Variants in RBFOX1 observed in about 807,000 individuals in gnomAD.
RBFOX1 encodes RNA binding fox-1 homolog 1.
In RBFOX1, 8 loss-of-function variants were observed where a neutral mutation model predicts 57.7. The observed-to-expected ratio is 0.14, with a 90% CI of 0.08 to 0.25. The LOEUF is 0.25. RBFOX1 is among the 10% of genes least tolerant of loss of function. The probability of loss-of-function intolerance (pLI) is 1.00; values close to 1 mark genes in which losing one functional copy is unlikely to be tolerated. For synonymous variants in RBFOX1, 326 were observed against 222.4 expected, an observed-to-expected ratio of 1.47 and a Z score of -4.15; for missense variants, 611 against 548.5, an observed-to-expected ratio of 1.11 and a Z score of -1.14.
chr16:6,642,002 C>G (rs2098495164), intron 2 of RBFOX1, among the ~76,000 whole-genome samples: 2 of 152,114 alleles, frequency 1.3e-5, no homozygotes, highest in Non-Finnish European at 2.9e-5. Flanking sequence ...CAGGGATTAT[C>G]CAGGAGGCTG....
chr16:5,792,923 A>G (rs972496040), intron 3 of RBFOX1, among the ~76,000 whole-genome samples: 1 of 152,146 alleles, frequency 6.6e-6, no homozygotes, highest in African/African-American at 2.4e-5. Context: ...CTTCATTCTC[A>G]TATTCTTTGT....
chr16:7,164,658 A>C (rs903556270), intron 4 of RBFOX1, among the ~76,000 whole-genome samples: 10 of 152,236 alleles, frequency 6.6e-5, no homozygotes, highest in Admixed American at 5.2e-4. Context: ...ATACAAACAC[A>C]CACAATGACA....
chr16:7,377,738 C>G (rs1310352428), intron 4 of RBFOX1, among the ~76,000 whole-genome samples: 2 of 152,154 alleles, frequency 1.3e-5, no homozygotes, highest in Non-Finnish European at 2.9e-5. Context: ...ACCAGAGACA[C>G]AGGGGTAAAC....
intron 4 of RBFOX1, among the ~76,000 whole-genome samples, chr16:7,125,440 G>A (rs2151884080): frequency 6.6e-6 from 1 of 152,280 alleles, no homozygotes; most frequent in Non-Finnish European, 1.5e-5. Context: ...ATGTTTAAAC[G>A]TCCAGTTTTC....
chr16:7,696,230 C>T (rs1466430106), intron 14 of RBFOX1, among the ~76,000 whole-genome samples: 1 of 152,072 alleles, frequency 6.6e-6, no homozygotes, highest in African/African-American at 2.4e-5. Context: ...TTTGGTTTTT[C>T]CCAAAGAATG....
At chr16:6,800,117 T>C (rs1332823483) in intron 3 of RBFOX1, among the ~76,000 whole-genome samples, 1 of 152,154 alleles carries the variant, frequency 6.6e-6, no homozygotes, top group Admixed American at 6.5e-5. Flanking sequence ...TATGCAGATG[T>C]ATTATCGTTC....
At chr16:6,354,078 G>T (rs1304895442) in intron 2 of RBFOX1, among the ~76,000 whole-genome samples, 1 of 152,014 alleles carries the variant, frequency 6.6e-6, no homozygotes, top group East Asian at 1.9e-4. Flanking sequence ...AAATTAGCCA[G>T]GCCTGGTGGC....
At chr16:7,416,719 T>G (rs2149251397) in intron 4 of RBFOX1, among the ~76,000 whole-genome samples, 1 of 148,224 alleles carries the variant, frequency 6.7e-6, no homozygotes, top group Admixed American at 6.7e-5. Context: ...GGCAAGCGAC[T>G]TTAGGGATGT....
chr16:6,200,851 T>G (rs1204787754), intron 1 of RBFOX1, among the ~76,000 whole-genome samples: 1 of 151,972 alleles, frequency 6.6e-6, no homozygotes, highest in African/African-American at 2.4e-5. Context: ...ACGTAGCAGG[T>G]AAGTGTTTGA....
At chr16:7,630,773 C>G (rs1328466577) in intron 11 of RBFOX1, 90 bp downstream of exon 11, 12 of 1,551,560 alleles carry the variant, frequency 7.7e-6, no homozygotes. Flanking sequence ...CCCCCTCCCT[C>G]TGCCCCACCC....
At chr16:6,859,196 T>TGTATATATATAC (rs2058568686) in intron 3 of RBFOX1, among the ~76,000 whole-genome samples, 1 of 96,104 alleles carries the variant, frequency 1.0e-5, no homozygotes, top group African/African-American at 5.2e-5. Flanking sequence ...TATATATATA[T>TGTATATATATAC]GTATATATAT....
chr16:7,202,488 AAG>A (rs1467947677), intron 4 of RBFOX1, among the ~76,000 whole-genome samples: 1 of 152,202 alleles, frequency 6.6e-6, no homozygotes, highest in South Asian at 2.1e-4. Flanking sequence ...ATATATTTAA[AAG>A]AGGTGAATGT....
At chr16:5,596,589 G>T (rs1567275686) in intron 2 of RBFOX1, among the ~76,000 whole-genome samples, 1 of 152,182 alleles carries the variant, frequency 6.6e-6, no homozygotes, top group African/African-American at 2.4e-5. Context: ...GAAAGGACCA[G>T]GCTGTAGATA....
chr16:6,275,443 C>G (rs1307897362), intron 1 of RBFOX1, among the ~76,000 whole-genome samples: 2 of 152,176 alleles, frequency 1.3e-5, no homozygotes, highest in Non-Finnish European at 2.9e-5. Flanking sequence ...TTTTCACACA[C>G]CTGATCTCAT....
intron 3 of RBFOX1, among the ~76,000 whole-genome samples, chr16:5,792,859 A>T (rs1241477426): frequency 6.6e-6 from 1 of 152,166 alleles, no homozygotes; most frequent in Non-Finnish European, 1.5e-5. Context: ...AAAAATCATG[A>T]AGATAAGAAA....
chr16:7,267,792 G>C (rs945960783), intron 4 of RBFOX1, among the ~76,000 whole-genome samples: 1 of 152,074 alleles, frequency 6.6e-6, no homozygotes, highest in African/African-American at 2.4e-5. Flanking sequence ...GGAGGCGGAG[G>C]CTGCAGTGAC....
chr16:6,954,048 AAG>A (rs1321829442), intron 3 of RBFOX1, among the ~76,000 whole-genome samples: 1 of 152,158 alleles, frequency 6.6e-6, no homozygotes, highest in Non-Finnish European at 1.5e-5. Flanking sequence ...CTAATATGGC[AAG>A]AGAGAGAACT....
At chr16:5,810,410 G>A (rs764355120) in intron 3 of RBFOX1, among the ~76,000 whole-genome samples, 7 of 152,198 alleles carry the variant, frequency 4.6e-5, no homozygotes, top group Non-Finnish European at 1.0e-4. Context: ...GCTGACACCT[G>A]ATCTTGGACT....
At chr16:6,746,278 A>G (rs1250051875) in intron 3 of RBFOX1, among the ~76,000 whole-genome samples, 1 of 152,154 alleles carries the variant, frequency 6.6e-6, no homozygotes, top group Non-Finnish European at 1.5e-5. Context: ...TAAAATTCAT[A>G]TAGAAGTGGA....
Sources: gnomAD v4.1 joint callset for allele counts (sites outside exome capture counted in the v4.1 genomes callset) on GRCh38, gnomAD v4.1.1 for gene constraint, MANE v1.5 for transcripts, NCBI Gene and HGNC (gene_info 2026-07-23, HGNC 2026-07-21) for gene names.